MAP4K3: variants seen among roughly 807,000 people sequenced by gnomAD.
MAP4K3 encodes the protein MAPK/ERK kinase kinase kinase 3.
MAP4K3 carries 94 observed loss-of-function variants against 143.5 expected under a neutral mutation model. The ratio of observed to expected loss-of-function variants is 0.65; its 90% confidence interval spans 0.55 to 0.78. The LOEUF is 0.78. Ranked by LOEUF, MAP4K3 falls within the 30% of genes least tolerant of loss-of-function variation. MAP4K3 has a pLI of 0.00. For missense variants in MAP4K3, 1,077 were observed against 1,068.1 expected (o/e 1.01, Z -0.12); for synonymous variants, 416 against 347.2 (o/e 1.20, Z -2.20).
chr2:39,415,239 C>G (rs748445268), intron 1 of MAP4K3, among the ~76,000 whole-genome samples: 1 of 152,162 alleles, frequency 6.6e-6, no homozygotes, highest in Non-Finnish European at 1.5e-5. Flanking sequence ...GAACAAGCAT[C>G]AGAAGTATTA....
intron 6 of MAP4K3, among the ~76,000 whole-genome samples, chr2:39,333,961 T>TTGTGTGTGTGTGTG (rs60361690): frequency 9.0e-5 from 13 of 144,142 alleles, no homozygotes; most frequent in East Asian, 4.1e-4. Flanking sequence ...TTTCCCATTT[T>TTGTGTGTGTGTGTG]TGTGTGTGTG....
chr2:39,332,117 A>T, intron 7 of MAP4K3, 128 bp from the exon 8 acceptor site: 1 of 492,404 alleles, frequency 2.0e-6, no homozygotes, highest in Non-Finnish European at 3.7e-6. Context: ...ATATTCTCAA[A>T]CATCACATTA....
intron 21 of MAP4K3, among the ~76,000 whole-genome samples, 178 bp from the exon 22 acceptor site, chr2:39,282,732 T>A (rs1322311576): frequency 6.6e-6 from 1 of 152,244 alleles, no homozygotes. Context: ...TTCTAGTACT[T>A]GCCCCAGAAA....
At chr2:39,401,716 G>A (rs912896767) in intron 1 of MAP4K3, among the ~76,000 whole-genome samples, 3 of 152,030 alleles carry the variant, frequency 2.0e-5, no homozygotes, top group African/African-American at 7.2e-5. Flanking sequence ...TGGGCATTTC[G>A]CTTGAGCAGG....
At chr2:39,371,895 C>T (rs949000932) in intron 2 of MAP4K3, among the ~76,000 whole-genome samples, 8 of 150,112 alleles carry the variant, frequency 5.3e-5, no homozygotes, top group African/African-American at 1.5e-4. Context: ...TCCCTTTATA[C>T]ATATAATATA....
In MAP4K3 at chr2:39,315,390, T is replaced by A; in HGVS notation, c.919-2A>T. On this transcript the variant is annotated splice_acceptor_variant, in intron 12 of 33. Coordinates refer to ENST00000263881, the MANE Select transcript of MAP4K3 (RefSeq NM_003618.4). LOFTEE classifies it high-confidence loss of function. ...TCTATGTGGTACAGCAACAAGAGGC[T>A]AGAAAAGAACAAAATCAATGATATG... is the stretch of plus-strand genomic sequence containing the variant. 1 of 1,604,602 alleles carries A rather than the reference T, an allele frequency of 6.2e-7. No individual in the cohort carries two copies. Among genetic ancestry groups the A allele is most frequent in the Non-Finnish European group, 8.5e-7 (1 of 1,173,964 alleles).
intron 2 of MAP4K3, among the ~76,000 whole-genome samples, chr2:39,375,853 T>G (rs1194193509): frequency 6.6e-6 from 1 of 152,208 alleles, no homozygotes; most frequent in Non-Finnish European, 1.5e-5. Flanking sequence ...CAGTTTTGTG[T>G]GTCTAGCTCC....
At chr2:39,266,395 G>A (rs868490454) in intron 27 of MAP4K3, among the ~76,000 whole-genome samples, 1 of 152,132 alleles carries the variant, frequency 6.6e-6, no homozygotes, top group Non-Finnish European at 1.5e-5. Context: ...ATAAGTACAT[G>A]CTCACACAAG....
At chr2:39,425,119 C>T (rs995834731) in intron 1 of MAP4K3, among the ~76,000 whole-genome samples, 1 of 152,000 alleles carries the variant, frequency 6.6e-6, no homozygotes, top group Admixed American at 6.6e-5. Context: ...CACCACCCCC[C>T]CAGCCCCTCC....
rs58722689 is a variant in MAP4K3, at chr2:39,343,260, T to A, written c.310+128A>T. On this transcript the variant is annotated intron_variant, in intron 4 of 33. Transcript: ENST00000263881. ...CACCTATATCTAAAATACCTTTATA[T>A]AGCCAAACAATATAACAATAAAACA... is the stretch of plus-strand genomic sequence containing the variant. The A allele has an allele frequency of 2.1e-3, 1,214 of 569,400 alleles. 11 individuals carry two copies. Among genetic ancestry groups the A allele is most frequent in the African/African-American group, 0.021 (1,088 of 52,478 alleles). 35.3% of individuals were successfully genotyped at this position (569,400 alleles called of 1,614,324 possible). A position where few individuals can be genotyped will look rare whatever the true frequency, so the allele number is the denominator to read the frequency against.
At chr2:39,348,007 T>C (rs1665345511) in intron 3 of MAP4K3, among the ~76,000 whole-genome samples, 1 of 152,038 alleles carries the variant, frequency 6.6e-6, no homozygotes, top group Non-Finnish European at 1.5e-5. Flanking sequence ...TCATTGATAA[T>C]GGACTACCAT....
At chr2:39,388,005 G>T (rs1370160961) in intron 1 of MAP4K3, among the ~76,000 whole-genome samples, 3 of 152,200 alleles carry the variant, frequency 2.0e-5, no homozygotes, top group Non-Finnish European at 4.4e-5. Flanking sequence ...AGTACAGACA[G>T]TTCCAACATA....
intron 24 of MAP4K3, among the ~76,000 whole-genome samples, chr2:39,274,892 G>A (rs1681181196): frequency 6.6e-6 from 1 of 152,200 alleles, no homozygotes; most frequent in South Asian, 2.1e-4. Context: ...TCAGGACCCT[G>A]ATTAGTGTCA....
rs1213056478 is a variant in MAP4K3 at position 39,249,291 on chromosome 2, C to A, written c.*1327G>T. 2 of 152,528 alleles carry A rather than the reference C, an allele frequency of 1.3e-5. No homozygotes were observed. Among genetic ancestry groups the A allele is most frequent in the Admixed American group, 1.3e-4 (2 of 15,262 alleles). 9.4% of individuals were successfully genotyped at this position (152,528 alleles called of 1,614,324 possible). On this transcript the variant is annotated 3_prime_UTR_variant, in exon 34 of 34. Transcript: ENST00000263881. Reference sequence around the variant, plus strand: ...TACTATACAACAGCATGTTAAAAAACATGTTTATTTTACAATATGTACAAT... The same window carrying A: ...TACTATACAACAGCATGTTAAAAAAAATGTTTATTTTACAATATGTACAAT...
chr2:39,287,971 G>T, intron 20 of MAP4K3, 150 bp downstream of exon 20: 2 of 870,840 alleles, frequency 2.3e-6, no homozygotes, highest in Non-Finnish European at 1.8e-6. Flanking sequence ...CTTTAAGCTA[G>T]TAGGCAAAAA....
chr2:39,425,289 AC>A (rs2148632495), intron 1 of MAP4K3, among the ~76,000 whole-genome samples: 1 of 152,154 alleles, frequency 6.6e-6, no homozygotes, highest in South Asian at 2.1e-4. Context: ...ATCCGAAAGC[AC>A]TAAGAACAAT....
intron 20 of MAP4K3, 60 bp downstream of exon 20, chr2:39,288,061 T>G: frequency 6.3e-7 from 1 of 1,580,562 alleles, no homozygotes; most frequent in Non-Finnish European, 8.6e-7. Context: ...AAAGAAAGTT[T>G]TTTTTCTCCC....
intron 2 of MAP4K3, among the ~76,000 whole-genome samples, chr2:39,375,064 C>T (rs533132186): frequency 7.9e-5 from 12 of 152,226 alleles, no homozygotes; most frequent in African/African-American, 2.9e-4. Flanking sequence ...TATTCAAGAG[C>T]AAACTGGGCA....
chr2:39,294,398 C>T (rs898628235), intron 16 of MAP4K3: 1 of 151,960 alleles, frequency 6.6e-6, no homozygotes, highest in African/African-American at 2.4e-5. Context: ...ATAGGAAAAC[C>T]ACAAACTAAT....
Sources: gnomAD v4.1 joint callset for allele counts (sites outside exome capture counted in the v4.1 genomes callset) on GRCh38, gnomAD v4.1.1 for gene constraint, MANE v1.5 for transcripts, NCBI Gene and HGNC (gene_info 2026-07-23, HGNC 2026-07-21) for gene names.